The following CHN2 variants were observed in gnomAD, a reference collection of about 807,000 sequenced individuals.
CHN2 encodes the protein chimerin 2.
CHN2 carries 35 observed loss-of-function variants against 56.3 expected under a neutral mutation model. That is an observed-to-expected ratio of 0.62 (90% CI 0.47 to 0.82). The LOEUF is 0.82. Among genes scored for constraint, CHN2 ranks in the 40% least tolerant of loss-of-function variants. CHN2 has a pLI of 0.00. For missense variants in CHN2, 491 were observed against 580.5 expected, an observed-to-expected ratio of 0.85 and a Z score of 1.58; for synonymous variants, 210 against 212.8, an observed-to-expected ratio of 0.99 and a Z score of 0.12.
chr7:29,500,839 TAAAG>T, intron 9 of CHN2, among the ~76,000 whole-genome samples: 1 of 152,250 alleles, frequency 6.6e-6, no homozygotes, highest in East Asian at 1.9e-4. Context: ...CAATGAAAAA[TAAAG>T]GAAACAAGGA....
chr7:29,177,551 GCCCCCTCA>G (rs1562810154), intron 2 of CHN2, among the ~76,000 whole-genome samples: 3 of 148,602 alleles, frequency 2.0e-5, no homozygotes, highest in African/African-American at 7.5e-5. Flanking sequence ...ACCGTGCCTG[GCCCCCTCA>G]CTTTTTTTTT....
intron 1 of CHN2, among the ~76,000 whole-genome samples, chr7:29,205,805 GTTCT>G (rs759099561): frequency 2.0e-5 from 3 of 152,074 alleles, no homozygotes; most frequent in Non-Finnish European, 4.4e-5. Context: ...TAGAGGAATG[GTTCT>G]TTATTATGTA....
At chr7:29,436,303 C>T (rs1268456442) in intron 6 of CHN2, among the ~76,000 whole-genome samples, 1 of 152,142 alleles carries the variant, frequency 6.6e-6, no homozygotes, top group Non-Finnish European at 1.5e-5. Flanking sequence ...TCAAGGACTC[C>T]AGTACCTATC....
intron 3 of CHN2, among the ~76,000 whole-genome samples, chr7:29,377,916 G>C (rs1347694125): frequency 6.6e-6 from 1 of 152,210 alleles, no homozygotes; most frequent in Non-Finnish European, 1.5e-5. Context: ...AAATAGCCTT[G>C]GCACAGCCCA....
intron 6 of CHN2, among the ~76,000 whole-genome samples, chr7:29,403,031 G>A (rs1802342072): frequency 1.3e-5 from 2 of 152,186 alleles, no homozygotes; most frequent in East Asian, 1.9e-4. Context: ...TTTGATGGAC[G>A]GGTGTCGGTG....
chr7:29,342,207 G>T (rs1251886526), intron 1 of CHN2, among the ~76,000 whole-genome samples: 2 of 152,140 alleles, frequency 1.3e-5, no homozygotes, highest in East Asian at 3.9e-4. Context: ...TGAGGGGATG[G>T]CTGGATGGCT....
At chr7:29,230,909 T>C (rs962885266) in intron 1 of CHN2, among the ~76,000 whole-genome samples, 3 of 152,160 alleles carry the variant, frequency 2.0e-5, no homozygotes, top group Admixed American at 1.3e-4. Flanking sequence ...ATAAAGTGCA[T>C]CCAGGTGTAT....
intron 6 of CHN2, among the ~76,000 whole-genome samples, chr7:29,420,333 CAG>C (rs1284411196): frequency 6.6e-6 from 1 of 152,110 alleles, no homozygotes; most frequent in Non-Finnish European, 1.5e-5. Flanking sequence ...ATGTTCATAA[CAG>C]TATTATTCTC....
intron 1 of CHN2, among the ~76,000 whole-genome samples, chr7:29,286,632 G>A (rs1792173651): frequency 6.6e-6 from 1 of 152,156 alleles, no homozygotes; most frequent in African/African-American, 2.4e-5. Context: ...TTGTAAAGTG[G>A]GGTCATTGTT....
At chr7:29,325,449 C>T (rs1013563421) in intron 1 of CHN2, among the ~76,000 whole-genome samples, 3 of 152,182 alleles carry the variant, frequency 2.0e-5, no homozygotes, top group Non-Finnish European at 4.4e-5. Context: ...AGGAATTGAG[C>T]GCTCTTTTTG....
intron 1 of CHN2, among the ~76,000 whole-genome samples, chr7:29,267,203 C>T (rs112449731): frequency 0.021 from 3,258 of 151,990 alleles, 116 homozygotes; most frequent in African/African-American, 0.074. Context: ...GACAACTCAG[C>T]GCCCTCTGTA....
At chr7:29,271,251 G>A (rs1233469896) in intron 1 of CHN2, among the ~76,000 whole-genome samples, 1 of 152,222 alleles carries the variant, frequency 6.6e-6, no homozygotes, top group Non-Finnish European at 1.5e-5. Context: ...ACAGTCCGGA[G>A]ACAAGTTCAA....
chr7:29,406,606 A>C (rs76429181), intron 6 of CHN2, among the ~76,000 whole-genome samples: 3,687 of 152,030 alleles, frequency 0.024, 68 homozygotes, highest in Non-Finnish European at 0.035. Context: ...ATGAGAGTTC[A>C]TCACCCTGTG....
At chr7:29,178,370 C>T (rs745438419) in intron 2 of CHN2, among the ~76,000 whole-genome samples, 2 of 152,156 alleles carry the variant, frequency 1.3e-5, no homozygotes, top group Non-Finnish European at 2.9e-5. Flanking sequence ...CAGCCTCTGA[C>T]CTGGTCTTCC....
At chr7:29,151,008 C>T (rs1275335695) in intron 2 of CHN2, among the ~76,000 whole-genome samples, 2 of 152,136 alleles carry the variant, frequency 1.3e-5, no homozygotes, top group Admixed American at 6.5e-5. Flanking sequence ...TGTTCTGCAC[C>T]TCAGCTATAA....
At chr7:29,241,875 A>G (rs1041249706) in intron 1 of CHN2, among the ~76,000 whole-genome samples, 1 of 152,208 alleles carries the variant, frequency 6.6e-6, no homozygotes, top group Non-Finnish European at 1.5e-5. Flanking sequence ...TTCTTCTCCC[A>G]AAATTTATGC....
In CHN2 at chr7:29,513,630, TC is replaced by T. The variant is rs1234878251; in HGVS notation, c.*897del. On this transcript the variant is annotated 3_prime_UTR_variant, in exon 13 of 13. Transcript: ENST00000222792. ...AAAGTTAGCACTTACCCTCTTTTCT[TC>T]CTGGCCAAGCCCTCTGAATTCATCT... 5 of 152,368 alleles carry T rather than the reference TC, an allele frequency of 3.3e-5. No individual in the cohort carries two copies. Among genetic ancestry groups the T allele is most frequent in the African/African-American group, 1.2e-4 (5 of 41,572 alleles). The allele number at this position is 152,368 out of a possible 1,614,324, so 9.4% of individuals were successfully genotyped here.
intron 6 of CHN2, among the ~76,000 whole-genome samples, chr7:29,460,696 G>T (rs1471790253): frequency 6.6e-6 from 1 of 152,182 alleles, no homozygotes; most frequent in Non-Finnish European, 1.5e-5. Context: ...ATCTTTCCAG[G>T]TGTGGCTTCT....
rs1320336900 is a variant in CHN2, at chr7:29,481,826, T to G, written c.654+1470T>G. On this transcript the variant is annotated intron_variant, in intron 7 of 12. Transcript: ENST00000222792. ...ATCTTCATGGACTTGTAAATTCTTT[T>G]TCTTCCTCTTGAAAATTCCAATTCA... Among the ~76,000 whole-genome samples, 13 of 152,284 alleles carry G rather than the reference T, an allele frequency of 8.5e-5. No homozygotes were observed. The East Asian group carries it at 2.1e-3, about 25-fold the overall frequency.
Sources: allele counts gnomAD v4.1 joint callset (sites outside exome capture counted in the v4.1 genomes callset), GRCh38; gene constraint gnomAD v4.1.1; transcripts MANE v1.5; gene names NCBI Gene and HGNC (gene_info 2026-07-23, HGNC 2026-07-21).